The following SLC4A10 variants were observed in gnomAD, a reference collection of about 807,000 sequenced individuals.
SLC4A10 encodes the protein solute carrier family 4 member 10.
In SLC4A10, 42 loss-of-function variants were observed where a neutral mutation model predicts 137.7. The ratio of observed to expected loss-of-function variants is 0.30; its 90% CI spans 0.24 to 0.39. SLC4A10 has a LOEUF of 0.39. Ranked by LOEUF, SLC4A10 falls within the 10% of genes least tolerant of loss-of-function variation. The pLI, the probability that SLC4A10 is intolerant of heterozygous loss-of-function variation, is 1.00. For synonymous variants in SLC4A10, 474 were observed against 464.1 expected (o/e 1.02, Z -0.27); for missense variants, 925 against 1,355.0 (o/e 0.68, Z 4.98).
At position 161,876,155 on chromosome 2, in the gene SLC4A10, G is replaced by A. The variant is rs908346594; in HGVS notation, c.948+2150G>A. On this transcript the variant is annotated intron_variant, in intron 8 of 26. Coordinates refer to ENST00000446997, the MANE Select transcript of SLC4A10 (RefSeq NM_001178015.2). ...TGAGGTCTGGGCAGCCCAGAAGCAT[G>A]AGTGTAAATACAGACCCAGAAGAGT... is the stretch of plus-strand genomic sequence containing the variant. 2.0e-5 allele frequency among the ~76,000 whole-genome samples: 3 copies of A among 152,232 alleles called. No homozygotes were observed. In the South Asian group the frequency reaches 6.2e-4, roughly 32 times the overall value.
At position 161,780,661 on chromosome 2, in the gene SLC4A10, A is replaced by T. The variant is rs180791275; in HGVS notation, c.130+9607A>T. On this transcript the variant is annotated intron_variant, in intron 2 of 26. Transcript: ENST00000446997. ...GGCTCATATAAATCAATGATTTTTT[A>T]AAAAATTCTTTCATTTCGATTTAAT... 9.5e-4 allele frequency among the ~76,000 whole-genome samples: 144 copies of T among 151,684 alleles called. 1 individual carries two copies. The highest frequency in any genetic ancestry group is 3.3e-3 in the African/African-American group (135 of 41,114).
chr2:161,687,223 A>G lies in SLC4A10; in HGVS notation c.48+62657A>G, dbSNP rs78871824. Among the ~76,000 whole-genome samples, 47 of 152,272 alleles carry G rather than the reference A, an allele frequency of 3.1e-4. No individual in the cohort carries two copies. The East Asian group carries it at 8.3e-3, about 27-fold the overall frequency. On this transcript the variant is annotated intron_variant, in intron 1 of 26. Coordinates refer to ENST00000446997, the MANE Select transcript of SLC4A10 (RefSeq NM_001178015.2). ...CAGAATATGTGCATGATGAATTGCT[A>G]AGTGGAAAAAAGAGTTACAAATATA...
chr2:161,969,710 A>G (rs918129127), intron 23 of SLC4A10, among the ~76,000 whole-genome samples: 1 of 152,190 alleles, frequency 6.6e-6, no homozygotes, highest in African/African-American at 2.4e-5. Flanking sequence ...CTATAGGAGA[A>G]AACAAAAAGA....
At chr2:161,889,410 G>A (rs150085229) in intron 10 of SLC4A10, among the ~76,000 whole-genome samples, 2,287 of 152,058 alleles carry the variant, frequency 0.015, 56 homozygotes, top group African/African-American at 0.052. Context: ...TCCATCTGGT[G>A]CTGGGCTTTT....
At position 161,855,993 on chromosome 2, in the gene SLC4A10, T is replaced by C. The variant is rs71424722; in HGVS notation, c.577+863T>C. 5.6e-3 allele frequency among the ~76,000 whole-genome samples: 852 copies of C among 152,242 alleles called. 1 individual carries two copies. The highest frequency in any genetic ancestry group is 9.1e-3 in the Non-Finnish European group (618 of 67,964). ...CTATATGTGTGTTTTTAATCATGTATATGAAAATAATATATTAGAAAAATA... is the reference window on the plus strand; with the variant it reads ...CTATATGTGTGTTTTTAATCATGTACATGAAAATAATATATTAGAAAAATA... On this transcript the variant is annotated intron_variant, in intron 5 of 26. Transcript: ENST00000446997.
At chr2:161,885,309 G>A (rs1052574264) in intron 10 of SLC4A10, among the ~76,000 whole-genome samples, 1 of 152,136 alleles carries the variant, frequency 6.6e-6, no homozygotes, top group Non-Finnish European at 1.5e-5. Context: ...GCATTGGAGT[G>A]CATTATCAAA....
chr2:161,683,745 T>C (rs1401220619), intron 1 of SLC4A10, among the ~76,000 whole-genome samples: 1 of 152,198 alleles, frequency 6.6e-6, no homozygotes, highest in Non-Finnish European at 1.5e-5. Context: ...TTTTGTTAAA[T>C]GTTATCATTT....
chr2:161,974,166 G>A, intron 23 of SLC4A10, 83 bp from the exon 24 acceptor site: 1 of 1,162,482 alleles, frequency 8.6e-7, no homozygotes, highest in Admixed American at 2.5e-5. Flanking sequence ...ATGAGATAAT[G>A]AAACATTAAT....
intron 11 of SLC4A10, among the ~76,000 whole-genome samples, chr2:161,896,458 A>T (rs1003592104): frequency 2.2e-4 from 34 of 152,092 alleles, no homozygotes; most frequent in Non-Finnish European, 3.7e-4. Context: ...GAAGAAAGTC[A>T]CTGGTAGCTT....
At chr2:161,873,804 A>T in intron 7 of SLC4A10, 112 bp from the exon 8 acceptor site, 1 of 1,084,208 alleles carries the variant, frequency 9.2e-7, no homozygotes, top group Admixed American at 2.2e-5. Flanking sequence ...AATCCCTCTG[A>T]CAATGCCTAA....
chr2:161,977,571 A>G, intron 25 of SLC4A10, 151 bp from the exon 26 acceptor site: 1 of 610,462 alleles, frequency 1.6e-6, no homozygotes, highest in Non-Finnish European at 2.8e-6. Context: ...CTGAAGAAAG[A>G]GGAATTCCTA....
intron 4 of SLC4A10, among the ~76,000 whole-genome samples, chr2:161,850,412 T>A (rs998946057): frequency 1.3e-5 from 2 of 151,894 alleles, no homozygotes; most frequent in African/African-American, 4.8e-5. Context: ...TAAAATAAAA[T>A]AAAAATAATT....
intron 1 of SLC4A10, among the ~76,000 whole-genome samples, chr2:161,626,433 G>C (rs905745023): frequency 6.6e-6 from 1 of 152,100 alleles, no homozygotes; most frequent in Non-Finnish European, 1.5e-5. Context: ...GGAAATTTTT[G>C]AAGGCCAGAG....
chr2:161,926,922 A>C (rs1689254656), intron 15 of SLC4A10, among the ~76,000 whole-genome samples: 1 of 151,974 alleles, frequency 6.6e-6, no homozygotes, highest in Admixed American at 6.6e-5. Context: ...TTCTGCTGAG[A>C]GATCCGCTGT....
chr2:161,873,600 G>A (rs1285542992), intron 7 of SLC4A10, among the ~76,000 whole-genome samples: 4 of 150,154 alleles, frequency 2.7e-5, no homozygotes, highest in Non-Finnish European at 5.9e-5. Flanking sequence ...GTGAAAATAC[G>A]GCAGGTTAAC....
chr2:161,911,194 A>G (rs1685758905), intron 15 of SLC4A10, among the ~76,000 whole-genome samples: 1 of 152,044 alleles, frequency 6.6e-6, no homozygotes, highest in Non-Finnish European at 1.5e-5. Flanking sequence ...AAGTAAAGAA[A>G]ATAGTGCTTG....
chr2:161,687,238 T>A (rs2041525547), intron 1 of SLC4A10, among the ~76,000 whole-genome samples: 1 of 152,064 alleles, frequency 6.6e-6, no homozygotes, highest in African/African-American at 2.4e-5. Context: ...GAAAAAAGAG[T>A]TACAAATATA....
intron 1 of SLC4A10, among the ~76,000 whole-genome samples, chr2:161,674,236 A>C (rs1453235169): frequency 6.6e-6 from 1 of 152,174 alleles, no homozygotes; most frequent in Non-Finnish European, 1.5e-5. Flanking sequence ...GTGTGACTTG[A>C]GAAAAATATC....
chr2:161,712,389 GTAAAAAAAAGCCTTTCTTTAAAGGCT>G (rs528915181), intron 1 of SLC4A10, among the ~76,000 whole-genome samples: 93 of 151,240 alleles, frequency 6.1e-4, no homozygotes, highest in African/African-American at 2.1e-3. Flanking sequence ...AAATTAAGGG[GTAAAAAAAAGCCTTTCTTTAAAGGCT>G]TAAAAAAAAT....
Sources: allele counts gnomAD v4.1 joint callset (sites outside exome capture counted in the v4.1 genomes callset), GRCh38; gene constraint gnomAD v4.1.1; transcripts MANE v1.5; gene names NCBI Gene and HGNC (gene_info 2026-07-23, HGNC 2026-07-21).